TMEM132C: variants seen among roughly 807,000 people sequenced by gnomAD.
TMEM132C encodes the protein transmembrane protein 132C.
TMEM132C carries 29 observed loss-of-function variants against 61.4 expected under a neutral mutation model. That is an observed-to-expected ratio of 0.47 (90% CI 0.35 to 0.64). TMEM132C has a LOEUF of 0.64. TMEM132C is among the 30% of genes least tolerant of loss of function. The pLI is 0.00. For missense variants in TMEM132C, 1,408 were observed against 1,476.9 expected (o/e 0.95, Z 0.76); for synonymous variants, 656 against 633.1 (o/e 1.04, Z -0.54).
intron 1 of TMEM132C, among the ~76,000 whole-genome samples, chr12:128,397,188 A>G (rs1209922351): frequency 6.6e-6 from 1 of 152,170 alleles, no homozygotes; most frequent in Non-Finnish European, 1.5e-5. Context: ...CCCCACGGGT[A>G]GAAGGTGGTT....
At chr12:128,506,187 TCATG>T (rs1872352663) in intron 2 of TMEM132C, among the ~76,000 whole-genome samples, 1 of 152,194 alleles carries the variant, frequency 6.6e-6, no homozygotes, top group African/African-American at 2.4e-5. Flanking sequence ...TCTCTAGACA[TCATG>T]CCAGCTCTCC....
intron 1 of TMEM132C, among the ~76,000 whole-genome samples, chr12:128,271,212 C>A (rs1870502228): frequency 6.6e-6 from 1 of 151,200 alleles, no homozygotes; most frequent in Admixed American, 6.6e-5. Context: ...CAAGATCATG[C>A]CACTGCACTC....
At chr12:128,675,821 T>C (rs1385555975) in intron 5 of TMEM132C, among the ~76,000 whole-genome samples, 1 of 149,464 alleles carries the variant, frequency 6.7e-6, no homozygotes, top group East Asian at 2.0e-4. Flanking sequence ...AGATAGATGG[T>C]AGATTTAGAT....
intron 1 of TMEM132C, among the ~76,000 whole-genome samples, chr12:128,325,490 A>G (rs1872478411): frequency 6.6e-6 from 1 of 152,182 alleles, no homozygotes; most frequent in African/African-American, 2.4e-5. Flanking sequence ...GTATCTAAAT[A>G]TCTGTATATG....
rs146796532 is a variant in TMEM132C, at chr12:128,640,186, G to A, written c.1305+23851G>A. ...CTGTAAGCATTTCAATTAAAATAAT[G>A]TGTGTAATTAGCACAGGGTTTGGCA... On this transcript the variant is annotated intron_variant, in intron 4 of 8. Coordinates refer to ENST00000435159, the MANE Select transcript of TMEM132C (RefSeq NM_001136103.3). Among the ~76,000 whole-genome samples, 541 of 152,272 alleles carry A rather than the reference G, an allele frequency of 3.6e-3. 4 individuals carry two copies. Among genetic ancestry groups the A allele is most frequent in the African/African-American group, 0.012 (494 of 41,568 alleles).
chr12:128,386,335 G>A (rs886132120), intron 1 of TMEM132C, among the ~76,000 whole-genome samples: 11 of 152,126 alleles, frequency 7.2e-5, no homozygotes, highest in African/African-American at 2.4e-4. Flanking sequence ...TGATGGAAGG[G>A]CCAACGCTTG....
At chr12:128,487,263 A>G (rs189958302) in intron 2 of TMEM132C, among the ~76,000 whole-genome samples, 3 of 151,994 alleles carry the variant, frequency 2.0e-5, no homozygotes. Flanking sequence ...CCTTGTTCTA[A>G]TCAGCCCCTT....
intron 2 of TMEM132C, among the ~76,000 whole-genome samples, chr12:128,454,673 G>A (rs1870285707): frequency 6.6e-6 from 1 of 152,196 alleles, no homozygotes; most frequent in South Asian, 2.1e-4. Context: ...GCTTGGAGTT[G>A]ACACTGACCC....
At chr12:128,513,749 A>G (rs1872636737) in intron 2 of TMEM132C, among the ~76,000 whole-genome samples, 1 of 152,240 alleles carries the variant, frequency 6.6e-6, no homozygotes, top group Non-Finnish European at 1.5e-5. Context: ...TCTAGGGGCT[A>G]TGAGGACTTT....
chr12:128,342,992 T>C lies in TMEM132C; in HGVS notation c.86-71740T>C, dbSNP rs532275936. The stretch of plus-strand genomic sequence containing the variant: ...CTTTGATCGTGCAAAGTAAGCAGGA[T>C]CCCCAAGATGTCCCCAGGGAGATGT... On this transcript the variant is annotated intron_variant, in intron 1 of 8. Coordinates refer to ENST00000435159, the MANE Select transcript of TMEM132C (RefSeq NM_001136103.3). Among the ~76,000 whole-genome samples the C allele has an allele frequency of 3.3e-5, 5 of 152,246 alleles. No individual in the cohort carries two copies. In the South Asian group the frequency reaches 1.0e-3, roughly 32 times the overall value.
chr12:128,311,285 C>G (rs1871955439), intron 1 of TMEM132C, among the ~76,000 whole-genome samples: 1 of 152,234 alleles, frequency 6.6e-6, no homozygotes, highest in African/African-American at 2.4e-5. Context: ...CTCAGCTAAG[C>G]TGGATCCGAA....
intron 2 of TMEM132C, among the ~76,000 whole-genome samples, chr12:128,436,262 C>T (rs1207040328): frequency 2.0e-5 from 3 of 152,126 alleles, no homozygotes. Flanking sequence ...GACTAAAACA[C>T]CAAGAGCAAT....
intron 4 of TMEM132C, among the ~76,000 whole-genome samples, chr12:128,622,360 A>AAAAAAAAAATATATATATAT (rs1277080166): frequency 3.3e-5 from 1 of 30,120 alleles, no homozygotes; most frequent in African/African-American, 1.6e-4. Flanking sequence ...AAAAAAAAAA[A>AAAAAAAAAATATATATATAT]ATATATATAT....
intron 4 of TMEM132C, among the ~76,000 whole-genome samples, chr12:128,648,235 A>C (rs1205903723): frequency 6.6e-6 from 1 of 151,214 alleles, no homozygotes; most frequent in Non-Finnish European, 1.5e-5. Context: ...AGATCCCATC[A>C]GTGTTGGATG....
At chr12:128,371,845 C>T (rs1199497747) in intron 1 of TMEM132C, among the ~76,000 whole-genome samples, 1 of 152,184 alleles carries the variant, frequency 6.6e-6, no homozygotes, top group African/African-American at 2.4e-5. Flanking sequence ...TCCCAAAGCA[C>T]CAGGATTACA....
At position 128,706,055 on chromosome 12, in the gene TMEM132C, C is replaced by T. The variant is rs369465968; in HGVS notation, c.3087C>T (p.Ala1029=). 3.0e-4 allele frequency: 465 copies of T among 1,551,692 alleles called. No individual in the cohort carries two copies. Among genetic ancestry groups the T allele is most frequent in the East Asian group, 4.6e-4 (19 of 40,900 alleles). The change falls in exon 9 of 9, where the codon GCC becomes GCT. Residue 1029 remains alanine, a synonymous_variant. Transcript: ENST00000435159. ...TGCAGAGCCAGATTCACAGGTCAGC[C>T]GACTCCGGGGGGCGGCAGGGCAGAG... ...KHVQSQIHRS[A]DSGGRQGREQ...
At chr12:128,473,244 G>A (rs113007757) in intron 2 of TMEM132C, among the ~76,000 whole-genome samples, 137 of 1,450 alleles carry the variant, frequency 0.094, 2 homozygotes, top group Middle Eastern at 0.38. Context: ...TTACTCCAGC[G>A]TCTATCTTCA....
chr12:128,371,352 C>T (rs759857564), intron 1 of TMEM132C, among the ~76,000 whole-genome samples: 4 of 152,184 alleles, frequency 2.6e-5, no homozygotes, highest in African/African-American at 4.8e-5. Flanking sequence ...ATATGACCCA[C>T]GCCTGTCCAA....
chr12:128,642,474 G>A (rs1954165074), intron 4 of TMEM132C, among the ~76,000 whole-genome samples: 1 of 152,162 alleles, frequency 6.6e-6, no homozygotes. Context: ...GGGCCTGATG[G>A]GAAGTATTTG....
Sources: allele counts gnomAD v4.1 joint callset (sites outside exome capture counted in the v4.1 genomes callset), GRCh38; gene constraint gnomAD v4.1.1; transcripts MANE v1.5; gene names NCBI Gene and HGNC (gene_info 2026-07-23, HGNC 2026-07-21).